LARP4B: variants seen among roughly 807,000 people sequenced by gnomAD.
LARP4B encodes la-related protein 4B.
In LARP4B, 12 loss-of-function variants were observed where a neutral mutation model predicts 89.8. The observed-to-expected ratio is 0.13, with a 90% confidence interval of 0.09 to 0.22. The LOEUF is 0.22. Ranked by LOEUF, LARP4B falls within the 10% of genes least tolerant of loss-of-function variation. LARP4B has a pLI of 1.00. For synonymous variants in LARP4B, 367 were observed against 363.3 expected (o/e 1.01, Z -0.12); for missense variants, 757 against 947.7 (o/e 0.80, Z 2.64).
At chr10:851,864 G>C (rs1370509022) in intron 5 of LARP4B, among the ~76,000 whole-genome samples, 4 of 152,060 alleles carry the variant, frequency 2.6e-5, no homozygotes. Flanking sequence ...CAGGAGTTTG[G>C]AGACCAGCCT....
Position 912,049 on chromosome 10 carries a change from C to T in LARP4B, c.-40+19379G>A, listed in dbSNP as rs556043225. On this transcript the variant is annotated intron_variant, in intron 1 of 17. Transcript: ENST00000316157. ...GTCACAGTGGGCTGACTGGGCCACTCACCAACCTTGAGGGAATGTCCTTGC... is the reference window on the plus strand; with the variant it reads ...GTCACAGTGGGCTGACTGGGCCACTTACCAACCTTGAGGGAATGTCCTTGC... Among the ~76,000 whole-genome samples, 13 of 152,348 alleles carry T rather than the reference C, an allele frequency of 8.5e-5. 1 individual carries two copies. The South Asian group carries it at 2.7e-3, about 32-fold the overall frequency.
At chr10:815,096 C>G (rs750955053) in intron 15 of LARP4B, 26 bp from the exon 16 acceptor site, 3 of 1,529,878 alleles carry the variant, frequency 2.0e-6, no homozygotes, top group Non-Finnish European at 2.6e-6. Context: ...GAGTGTTCAT[C>G]AGAGTCCTGC....
intron 1 of LARP4B, among the ~76,000 whole-genome samples, chr10:896,270 T>C (rs1209045434): frequency 1.3e-5 from 2 of 152,254 alleles, no homozygotes; most frequent in African/African-American, 4.8e-5. Context: ...AAGATGTTCT[T>C]TGCTTTTTTC....
chr10:968,231 C>T, the LARP4B span, among the ~76,000 whole-genome samples: 1 of 152,122 alleles, frequency 6.6e-6, no homozygotes, highest in Non-Finnish European at 1.5e-5. Context: ...ATACTGAGCT[C>T]AAGTTGGAGT....
At chr10:868,459 T>C (rs1326159084) in intron 3 of LARP4B, among the ~76,000 whole-genome samples, 1 of 150,462 alleles carries the variant, frequency 6.6e-6, no homozygotes, top group Non-Finnish European at 1.5e-5. Context: ...TCGTTAAACG[T>C]GGTAACGCTT....
rs1222289753 is a variant in LARP4B at position 810,495 on chromosome 10, C to T, written c.*2431G>A. 1.3e-5 allele frequency: 2 copies of T among 152,230 alleles called. No homozygotes were observed. Among genetic ancestry groups the T allele is most frequent in the Admixed American group, 6.5e-5 (1 of 15,282 alleles). The allele number at this position is 152,230 out of a possible 1,614,324, so 9.4% of individuals were successfully genotyped here. ...GCGACTGGCTAATGCACGCGCTGCC[C>T]TCCTCATGCAGCTGTTGAGCTCCCA... On this transcript the variant is annotated 3_prime_UTR_variant, in exon 18 of 18. Transcript: ENST00000316157.
At chr10:933,750 A>G (rs559387982), upstream of LARP4B, among the ~76,000 whole-genome samples, 1 of 152,250 alleles carries the variant, frequency 6.6e-6, no homozygotes, top group South Asian at 2.1e-4. Flanking sequence ...GATAACCTAC[A>G]GGAGCTTACT....
the LARP4B span, among the ~76,000 whole-genome samples, chr10:962,384 A>G: frequency 3.9e-5 from 6 of 151,912 alleles, no homozygotes; most frequent in African/African-American, 1.5e-4. Context: ...TTACCCTCAT[A>G]TAGGCCCTGT....
chr10:943,962 G>A, the LARP4B span, among the ~76,000 whole-genome samples: 1 of 152,162 alleles, frequency 6.6e-6, no homozygotes, highest in Admixed American at 6.5e-5. Context: ...GCCCTACAGG[G>A]CTGCAGAAAA....
intron 3 of LARP4B, among the ~76,000 whole-genome samples, chr10:867,861 T>TA (rs1834989301): frequency 2.6e-5 from 3 of 113,240 alleles, no homozygotes; most frequent in Admixed American, 1.0e-4. Context: ...ACTCCATCCT[T>TA]GAAAAAAAAA....
At chr10:891,228 G>A (rs1260104056) in intron 1 of LARP4B, among the ~76,000 whole-genome samples, 2 of 151,796 alleles carry the variant, frequency 1.3e-5, no homozygotes, top group Non-Finnish European at 2.9e-5. Context: ...AAGAGCCAGG[G>A]GACCACCAAG....
intron 13 of LARP4B, 68 bp downstream of exon 13, chr10:824,997 A>G (rs1733625413): frequency 3.6e-6 from 5 of 1,407,694 alleles, no homozygotes; most frequent in Non-Finnish European, 4.7e-6. Context: ...ATTACAAAAC[A>G]TATCTAAATT....
chr10:905,833 C>G (rs1233974320), intron 1 of LARP4B, among the ~76,000 whole-genome samples: 3 of 152,148 alleles, frequency 2.0e-5, no homozygotes, highest in Non-Finnish European at 4.4e-5. Flanking sequence ...CAAGAACCAG[C>G]CTCCTGCTTG....
At chr10:943,790 C>T in the LARP4B span, among the ~76,000 whole-genome samples, 5 of 150,558 alleles carry the variant, frequency 3.3e-5, no homozygotes, top group South Asian at 4.2e-4. Context: ...CGGGAGGGCC[C>T]GGGGAGTGCA....
intron 3 of LARP4B, among the ~76,000 whole-genome samples, chr10:867,671 G>A (rs942237263): frequency 2.6e-5 from 4 of 151,834 alleles, no homozygotes; most frequent in African/African-American, 9.7e-5. Flanking sequence ...GTCCAGCCTG[G>A]CCAACATGGT....
At chr10:815,093 C>CA in intron 15 of LARP4B, 23 bp from the exon 16 acceptor site, 1 of 1,531,416 alleles carries the variant, frequency 6.5e-7, no homozygotes, top group Non-Finnish European at 8.8e-7. Flanking sequence ...CAAGAGTGTT[C>CA]ATCAGAGTCC....
At chr10:945,481 T>A in the LARP4B span, among the ~76,000 whole-genome samples, 1 of 151,270 alleles carries the variant, frequency 6.6e-6, no homozygotes, top group African/African-American at 2.4e-5. Flanking sequence ...GGTCAGGAGA[T>A]CGAGACCATC....
the LARP4B span, among the ~76,000 whole-genome samples, chr10:943,991 G>T: frequency 6.6e-6 from 1 of 152,098 alleles, no homozygotes; most frequent in Non-Finnish European, 1.5e-5. Flanking sequence ...AACATGAATA[G>T]CATGATTCAA....
upstream of LARP4B, among the ~76,000 whole-genome samples, chr10:933,638 A>G (rs1045101794): frequency 1.3e-5 from 2 of 152,264 alleles, no homozygotes; most frequent in Middle Eastern, 6.8e-3. Flanking sequence ...TTTAATATTA[A>G]AAGCATGTAC....
Sources: gnomAD v4.1 joint callset for allele counts (sites outside exome capture counted in the v4.1 genomes callset) on GRCh38, gnomAD v4.1.1 for gene constraint, MANE v1.5 for transcripts, NCBI Gene and HGNC (gene_info 2026-07-23, HGNC 2026-07-21) for gene names.